The following DNM3 variants were observed in gnomAD, a reference collection of about 807,000 sequenced individuals.
DNM3 encodes the protein dynamin 3.
Under a neutral mutation model 101.6 loss-of-function variants are expected in DNM3, and 47 were observed. The observed-to-expected ratio is 0.46, with a 90% CI of 0.37 to 0.59. The LOEUF is 0.59. Among genes scored for constraint, DNM3 ranks in the 20% least tolerant of loss-of-function variants. DNM3 has a pLI of 0.00. For missense variants in DNM3, 849 were observed against 1,085.7 expected (o/e 0.78, Z 3.06); for synonymous variants, 385 against 387.9 (o/e 0.99, Z 0.09).
At chr1:172,073,716 A>G (rs902424663) in intron 11 of DNM3, among the ~76,000 whole-genome samples, 4 of 152,206 alleles carry the variant, frequency 2.6e-5, no homozygotes, top group African/African-American at 7.2e-5. Flanking sequence ...TTTATCCAAC[A>G]AAGTTGAAGA....
chr1:172,133,460 G>T, intron 14 of DNM3: 2 of 982,854 alleles, frequency 2.0e-6, no homozygotes, highest in Non-Finnish European at 2.4e-6. Flanking sequence ...AGGGTAGTTG[G>T]GGGCAGGTGA....
chr1:172,101,386 G>A (rs2054628820), intron 13 of DNM3, among the ~76,000 whole-genome samples: 1 of 152,094 alleles, frequency 6.6e-6, no homozygotes, highest in Non-Finnish European at 1.5e-5. Flanking sequence ...AAGCAACATA[G>A]TGCCTTGGTT....
intron 2 of DNM3, among the ~76,000 whole-genome samples, chr1:171,942,393 A>C (rs1295800968): frequency 6.6e-6 from 1 of 152,110 alleles, no homozygotes; most frequent in African/African-American, 2.4e-5. Context: ...CTTTTATGTA[A>C]GGAAATAAGC....
intron 1 of DNM3, among the ~76,000 whole-genome samples, chr1:171,918,646 G>A (rs1052181533): frequency 2.0e-5 from 3 of 152,144 alleles, no homozygotes; most frequent in Non-Finnish European, 4.4e-5. Flanking sequence ...ATCTGTCAGT[G>A]GTAGGACTGG....
At chr1:172,380,981 G>GA (rs776790015) in intron 18 of DNM3, 1,435 of 96,048 alleles carry the variant, frequency 0.015, 16 homozygotes, top group African/African-American at 0.044. Context: ...TAGCTAAAAG[G>GA]AAAAAAAAAA....
At chr1:172,338,393 C>T (rs2066541002) in intron 17 of DNM3, among the ~76,000 whole-genome samples, 2 of 151,918 alleles carry the variant, frequency 1.3e-5, no homozygotes, top group Admixed American at 1.3e-4. Flanking sequence ...TACTGTGAAG[C>T]ACATTGATGT....
rs35387054 is a variant in DNM3, at chr1:172,262,075, G to A, written c.1769+8393G>A. Reference sequence around the variant, plus strand: ...CCCCAGACCACTGGAAAAATGCTTAGGTGAGAGCAGAAATGGCTATCTGTA... The same window carrying A: ...CCCCAGACCACTGGAAAAATGCTTAAGTGAGAGCAGAAATGGCTATCTGTA... On this transcript the variant is annotated intron_variant, in intron 15 of 20. Transcript: ENST00000627582. Among the ~76,000 whole-genome samples the A allele has an allele frequency of 6.5e-3, 989 of 152,306 alleles. 5 individuals carry two copies. The highest frequency in any genetic ancestry group is 0.011 in the Non-Finnish European group (739 of 68,036).
intron 14 of DNM3, among the ~76,000 whole-genome samples, chr1:172,192,889 C>T (rs1208287856): frequency 2.6e-5 from 4 of 151,034 alleles, no homozygotes; most frequent in Non-Finnish European, 2.9e-5. Flanking sequence ...TGGGTATATA[C>T]CCAGTAATGG....
chr1:171,850,846 T>C (rs186169747), intron 1 of DNM3, among the ~76,000 whole-genome samples: 151 of 148,182 alleles, frequency 1.0e-3, no homozygotes, highest in African/African-American at 3.5e-3. Context: ...GCAGAGTAAG[T>C]GGGGAGATGA....
intron 13 of DNM3, 88 bp from the exon 14 acceptor site, chr1:172,131,087 C>A: frequency 9.2e-7 from 1 of 1,089,756 alleles, no homozygotes; most frequent in Non-Finnish European, 1.4e-6. Flanking sequence ...CAATTAATAT[C>A]TTGTTTTTAA....
At chr1:172,223,378 A>G (rs2060985226) in intron 14 of DNM3, among the ~76,000 whole-genome samples, 1 of 150,976 alleles carries the variant, frequency 6.6e-6, no homozygotes, top group Non-Finnish European at 1.5e-5. Context: ...GCACCATTGT[A>G]TATCCATTCT....
chr1:172,116,645 A>C lies in DNM3; in HGVS notation c.1546-14530A>C, dbSNP rs76967388. Among the ~76,000 whole-genome samples the C allele has an allele frequency of 6.7e-3, 1,023 of 152,296 alleles. 15 individuals are homozygous for C. The highest frequency in any genetic ancestry group is 0.023 in the African/African-American group (973 of 41,564). On this transcript the variant is annotated intron_variant, in intron 13 of 20. Coordinates refer to ENST00000627582, the MANE Select transcript of DNM3 (RefSeq NM_015569.5). ...ATGAACCAACTGTTTTTGGAAGTACATCTGGAACACTTTGGGATATTAAAA... is the reference window on the plus strand; with the variant it reads ...ATGAACCAACTGTTTTTGGAAGTACCTCTGGAACACTTTGGGATATTAAAA...
intron 15 of DNM3, among the ~76,000 whole-genome samples, chr1:172,307,579 G>T (rs977389580): frequency 1.3e-5 from 2 of 152,198 alleles, no homozygotes; most frequent in Admixed American, 1.3e-4. Flanking sequence ...GCACACGTAT[G>T]TTTATTGCAG....
chr1:172,347,628 A>G (rs1457376210), intron 17 of DNM3, among the ~76,000 whole-genome samples: 1 of 152,210 alleles, frequency 6.6e-6, no homozygotes, highest in Non-Finnish European at 1.5e-5. Context: ...ACTGACCAGA[A>G]TAAAGTCCAA....
intron 2 of DNM3, among the ~76,000 whole-genome samples, chr1:171,960,971 G>T (rs537750174): frequency 1.3e-5 from 2 of 152,212 alleles, no homozygotes; most frequent in East Asian, 3.9e-4. Flanking sequence ...GTGGAAGTTT[G>T]GAATAGTTGT....
chr1:172,302,927 C>A (rs2064543561), intron 15 of DNM3, among the ~76,000 whole-genome samples: 1 of 152,174 alleles, frequency 6.6e-6, no homozygotes, highest in African/African-American at 2.4e-5. Flanking sequence ...TGGGGAGAAA[C>A]CAGAGAAGAA....
At chr1:172,090,768 C>T (rs2053854467) in intron 12 of DNM3, among the ~76,000 whole-genome samples, 2 of 152,096 alleles carry the variant, frequency 1.3e-5, no homozygotes, top group African/African-American at 2.4e-5. Flanking sequence ...TTATTAAAAA[C>T]TTATTTTGAT....
chr1:172,328,430 A>T (rs1288248022), intron 17 of DNM3, among the ~76,000 whole-genome samples: 1 of 152,220 alleles, frequency 6.6e-6, no homozygotes, highest in Admixed American at 6.5e-5. Context: ...TACACCATGG[A>T]ATACTATGCA....
chr1:172,157,075 TTATTTC>T (rs2058367340), intron 14 of DNM3, among the ~76,000 whole-genome samples: 3 of 152,200 alleles, frequency 2.0e-5, no homozygotes, highest in South Asian at 4.1e-4. Flanking sequence ...ATTGTGCACT[TTATTTC>T]TATTATTATT....
Sources: allele counts gnomAD v4.1 joint callset (sites outside exome capture counted in the v4.1 genomes callset), GRCh38; gene constraint gnomAD v4.1.1; transcripts MANE v1.5; gene names NCBI Gene and HGNC (gene_info 2026-07-23, HGNC 2026-07-21).